The following SMYD3 variants were observed in gnomAD, a reference collection of about 807,000 sequenced individuals.
SMYD3 encodes histone-lysine N-methyltransferase SMYD3.
SMYD3 carries 36 observed loss-of-function variants against 57.7 expected under a neutral mutation model. The observed-to-expected ratio is 0.62, with a 90% CI of 0.48 to 0.82. The LOEUF is 0.82. Ranked by LOEUF, SMYD3 falls within the 40% of genes least tolerant of loss-of-function variation. The pLI is 0.00. For synonymous variants in SMYD3, 211 were observed against 195.0 expected (o/e 1.08, Z -0.68); for missense variants, 515 against 538.8 (o/e 0.96, Z 0.44).
intron 5 of SMYD3, among the ~76,000 whole-genome samples, chr1:246,045,796 C>T (rs1386629728): frequency 6.6e-6 from 1 of 152,052 alleles, no homozygotes; most frequent in Non-Finnish European, 1.5e-5. Context: ...AAATCAACCC[C>T]ATCAAAAAGT....
rs574278872 is a variant in SMYD3, at chr1:246,109,519, G to C, written c.532-179582C>G. 1.5e-3 allele frequency among the ~76,000 whole-genome samples: 228 copies of C among 152,242 alleles called. 1 individual carries two copies. The highest frequency in any genetic ancestry group is 5.4e-3 in the African/African-American group (224 of 41,544). ...ATATAGTATGTTCTAAGAATCCAAA[G>C]GAATTTTTAAAAATTGCCCCCTGCA... On this transcript the variant is annotated intron_variant, in intron 5 of 11. Coordinates refer to ENST00000490107, the MANE Select transcript of SMYD3 (RefSeq NM_001167740.2).
intron 5 of SMYD3, chr1:246,193,815 A>T (rs1055693806): frequency 1.3e-5 from 2 of 152,130 alleles, no homozygotes; most frequent in African/African-American, 4.8e-5. Context: ...CTCTCCGGGT[A>T]CTCACGCTTC....
At chr1:246,333,869 A>G (rs903028357) in intron 3 of SMYD3, among the ~76,000 whole-genome samples, 1 of 152,262 alleles carries the variant, frequency 6.6e-6, no homozygotes, top group Admixed American at 6.5e-5. Flanking sequence ...CTGGGGCAAC[A>G]GAGTGAGACC....
chr1:245,756,690 A>T (rs1006265472), intron 11 of SMYD3, among the ~76,000 whole-genome samples: 1 of 152,048 alleles, frequency 6.6e-6, no homozygotes, highest in Non-Finnish European at 1.5e-5. Flanking sequence ...CTTGAAAAAA[A>T]TATGCTACTT....
At chr1:246,482,744 A>C (rs568697295) in intron 1 of SMYD3, among the ~76,000 whole-genome samples, 1 of 152,224 alleles carries the variant, frequency 6.6e-6, no homozygotes, top group Non-Finnish European at 1.5e-5. Flanking sequence ...TTTTATAAAC[A>C]TAAGATACGA....
chr1:246,489,394 G>A (rs1488602513), intron 1 of SMYD3, among the ~76,000 whole-genome samples: 1 of 152,084 alleles, frequency 6.6e-6, no homozygotes, highest in Non-Finnish European at 1.5e-5. Context: ...AATATTTCAG[G>A]TACTATCCTA....
intron 5 of SMYD3, among the ~76,000 whole-genome samples, chr1:245,970,746 G>C (rs2058278515): frequency 2.6e-5 from 4 of 152,208 alleles, no homozygotes; most frequent in Admixed American, 1.3e-4. Context: ...ACCACAGTGA[G>C]ATACCATCTC....
At chr1:246,318,446 G>C (rs780948480) in intron 5 of SMYD3, among the ~76,000 whole-genome samples, 10 of 152,110 alleles carry the variant, frequency 6.6e-5, no homozygotes, top group South Asian at 2.1e-4. Context: ...AAACGGAAAA[G>C]GGATACTGTT....
At chr1:246,390,000 C>T (rs1013964711) in intron 1 of SMYD3, among the ~76,000 whole-genome samples, 2 of 151,898 alleles carry the variant, frequency 1.3e-5, no homozygotes, top group Non-Finnish European at 2.9e-5. Context: ...AGATCTGCTG[C>T]GGGATGGGGG....
chr1:246,320,056 C>G (rs1222396213), intron 5 of SMYD3, among the ~76,000 whole-genome samples: 1 of 152,092 alleles, frequency 6.6e-6, no homozygotes, highest in African/African-American at 2.4e-5. Flanking sequence ...TGCTTTATTT[C>G]TAACATACCA....
chr1:246,109,369 C>T (rs774906071), intron 5 of SMYD3, among the ~76,000 whole-genome samples: 1 of 152,112 alleles, frequency 6.6e-6, no homozygotes, highest in African/African-American at 2.4e-5. Flanking sequence ...GAAGAGTAGC[C>T]CTACAGCAGT....
intron 10 of SMYD3, among the ~76,000 whole-genome samples, chr1:245,785,669 G>C (rs556266312): frequency 6.6e-6 from 1 of 152,156 alleles, no homozygotes; most frequent in South Asian, 2.1e-4. Flanking sequence ...GAGTGCGTGA[G>C]AGAGTGAGAA....
chr1:246,061,510 C>T (rs1263111273), intron 5 of SMYD3, among the ~76,000 whole-genome samples: 2 of 151,030 alleles, frequency 1.3e-5, no homozygotes, highest in African/African-American at 4.9e-5. Context: ...CACTTGAACA[C>T]AATTCAAGAC....
At position 246,203,981 on chromosome 1, in the gene SMYD3, C is replaced by T. The variant is rs890360752; in HGVS notation, c.531+123220G>A. Among the ~76,000 whole-genome samples, 6 of 152,054 alleles carry T rather than the reference C, an allele frequency of 3.9e-5. No homozygotes were observed. The highest frequency in any genetic ancestry group is 7.4e-5 in the Non-Finnish European group (5 of 68,000). ...GGAGCCAGGAGAATCCTAAGTGGAC[C>T]GGATGGAGAACAAGAGAGTACCAGT... On this transcript the variant is annotated intron_variant, in intron 5 of 11. Coordinates refer to ENST00000490107, the MANE Select transcript of SMYD3 (RefSeq NM_001167740.2). The surrounding 1 kb of genome is among the most constrained non-coding windows in gnomAD (Gnocchi z 4.6).
intron 5 of SMYD3, among the ~76,000 whole-genome samples, chr1:246,129,026 G>A (rs1229869421): frequency 1.3e-5 from 2 of 151,998 alleles, no homozygotes; most frequent in Admixed American, 1.3e-4. Context: ...TCGAACTCCA[G>A]GGCTCCAGCG....
At chr1:246,415,345 A>T (rs2067045558) in intron 1 of SMYD3, among the ~76,000 whole-genome samples, 1 of 152,186 alleles carries the variant, frequency 6.6e-6, no homozygotes, top group Non-Finnish European at 1.5e-5. Context: ...CCCACTTCTA[A>T]TATAACAGCA....
intron 5 of SMYD3, among the ~76,000 whole-genome samples, chr1:246,032,618 A>C (rs963968706): frequency 6.6e-6 from 1 of 152,144 alleles, no homozygotes; most frequent in African/African-American, 2.4e-5. Context: ...CTAATTTGAT[A>C]ATTTCTACCA....
At chr1:245,932,878 T>A (rs749835878) in intron 5 of SMYD3, among the ~76,000 whole-genome samples, 7 of 152,230 alleles carry the variant, frequency 4.6e-5, no homozygotes, top group Non-Finnish European at 8.8e-5. Context: ...TATATTAGTC[T>A]GAGTGTTACG....
chr1:246,299,881 GGGTACTAGGCTGAAAAATGACTACTA>G (rs67480570), intron 5 of SMYD3, among the ~76,000 whole-genome samples: 50,749 of 148,356 alleles, frequency 0.34, 9,459 homozygotes, highest in East Asian at 0.73. Context: ...AACGACTACT[GGGTACTAGGCTGAAAAATGACTACTA>G]GGTACTAGGC....
Sources: allele counts gnomAD v4.1 joint callset (sites outside exome capture counted in the v4.1 genomes callset), GRCh38; gene constraint gnomAD v4.1.1; non-coding constraint Gnocchi (gnomAD v3.1); transcripts MANE v1.5; gene names NCBI Gene and HGNC (gene_info 2026-07-23, HGNC 2026-07-21).